NGB: variants seen among roughly 807,000 people sequenced by gnomAD.
NGB encodes the protein nitrite reductase.
A neutral mutation model predicts 17.3 loss-of-function variants in NGB; 12 were observed. That is an observed-to-expected ratio of 0.69 (90% CI 0.45 to 1.13). The LOEUF is 1.13. Ranked by LOEUF, NGB falls within the 50% of genes most tolerant of loss-of-function variation. The pLI is 0.00. For synonymous variants in NGB, 87 were observed against 81.0 expected, an observed-to-expected ratio of 1.07 and a Z score of -0.40; for missense variants, 195 against 191.7, an observed-to-expected ratio of 1.02 and a Z score of -0.10.
chr14:77,270,903 C>G lies in NGB; in HGVS notation c.35G>C (p.Ser12Thr), dbSNP rs768850017. 1.3e-6 allele frequency: 2 copies of G among 1,582,084 alleles called. No homozygotes were observed. The highest frequency in any genetic ancestry group is 2.3e-5 in the South Asian group (2 of 88,508). The change falls in exon 1 of 4, where the codon AGC (serine) becomes ACC (threonine). Residue 12 changes from serine to threonine, a missense_variant. Ser to Thr is a moderately conservative substitution (Grantham distance 58). Transcript: ENST00000298352. The part of the protein sequence containing the change: ...ERPEPELIRQ[S>T]WRAVSRSPLE... ...CGGGCTGCGGCTCACTGCCCGCCAG[C>G]TCTGCCGGATCAGCTCGGGCTCCGG...
At chr14:77,268,391 G>C in intron 3 of NGB, 75 bp downstream of exon 3, 1 of 1,503,624 alleles carries the variant, frequency 6.7e-7, no homozygotes, top group Non-Finnish European at 9.1e-7. Context: ...GAGAACAGGT[G>C]GCAAGGGGAG....
intron 1 of NGB, among the ~76,000 whole-genome samples, chr14:77,270,082 C>A (rs567640577): frequency 4.0e-4 from 61 of 151,978 alleles, no homozygotes; most frequent in African/African-American, 1.3e-3. Flanking sequence ...TGAATGTTTT[C>A]CCCTTTTGTC....
chr14:77,267,267 G>A (rs541067952), intron 3 of NGB, among the ~76,000 whole-genome samples: 6 of 152,356 alleles, frequency 3.9e-5, no homozygotes, highest in African/African-American at 1.2e-4. Flanking sequence ...TAGGCCAGGT[G>A]CAGTAGCTCA....
Position 77,271,041 on chromosome 14 carries a change from T to TCGTACGCCCCC in NGB, c.-115_-105dup. 1 of 810,420 alleles carries TCGTACGCCCCC rather than the reference T, an allele frequency of 1.2e-6. No individual in the cohort carries two copies. Among genetic ancestry groups the TCGTACGCCCCC allele is most frequent in the Non-Finnish European group, 1.8e-6 (1 of 555,646 alleles). The allele number at this position is 810,420 out of a possible 1,614,324, so 50.2% of individuals were successfully genotyped here. ...TCCGCGACGCGGTCCCCTCCGCCCC[T>TCGTACGCCCCC]CGTACGCCCCCCGTGCCTCCGCCCG... On this transcript the variant is annotated 5_prime_UTR_variant, in exon 1 of 4. Coordinates refer to ENST00000298352, the MANE Select transcript of NGB (RefSeq NM_021257.4).
intron 1 of NGB, among the ~76,000 whole-genome samples, chr14:77,270,202 G>A (rs971771935): frequency 6.6e-6 from 1 of 152,092 alleles, no homozygotes; most frequent in African/African-American, 2.4e-5. Context: ...GATAGCGGAA[G>A]GGTTACCAAA....
rs991199092 is a variant in NGB at position 77,270,668 on chromosome 14, G to A, written c.89+181C>T. On this transcript the variant is annotated intron_variant, in intron 1 of 3. Coordinates refer to ENST00000298352, the MANE Select transcript of NGB (RefSeq NM_021257.4). ...TGGCAACAGGCGCCCACGGTCGAGA[G>A]AGAGGCAGAGGGGCTGTGCCACCCG... 5.9e-5 allele frequency among the ~76,000 whole-genome samples: 9 copies of A among 152,208 alleles called. No individual in the cohort carries two copies. The East Asian group carries it at 1.4e-3, about 23-fold the overall frequency.
At chr14:77,267,591 G>A (rs1418951160) in intron 3 of NGB, among the ~76,000 whole-genome samples, 1 of 152,144 alleles carries the variant, frequency 6.6e-6, no homozygotes, top group East Asian at 1.9e-4. Flanking sequence ...GCTCTCATTT[G>A]CCATTATTAC....
chr14:77,270,603 C>T (rs1358511948), intron 1 of NGB, among the ~76,000 whole-genome samples: 2 of 152,202 alleles, frequency 1.3e-5, no homozygotes, highest in Non-Finnish European at 2.9e-5. Context: ...TCCCGCCCGG[C>T]CCGGTGAGCC....
rs372062527 is a variant in NGB at position 77,266,613 on chromosome 14, G to C, written c.379C>G (p.Pro127Ala). The change falls in exon 4 of 4, where the codon CCA (proline) becomes GCA (alanine). Residue 127 changes from proline (P) to alanine (A), a missense_variant. Coordinates refer to ENST00000298352, the MANE Select transcript of NGB (RefSeq NM_021257.4). ...TGGCTCCAGGCAGCCCGTGTGGCTG[G>C]TGTGAAGGCAGGGCCCAGACACTTC... ...LEKCLGPAFT[P>A]ATRAAWSQLY... is the part of the protein sequence containing the mutation. 1 of 1,614,064 alleles carries C rather than the reference G, an allele frequency of 6.2e-7. No homozygotes were observed. The highest frequency in any genetic ancestry group is 1.7e-5 in the Admixed American group (1 of 60,014).
In NGB at chr14:77,269,273, T is replaced by A. The variant is rs143341202; in HGVS notation, c.143A>T (p.Gln48Leu). 2.3e-5 allele frequency: 36 copies of A among 1,551,878 alleles called. No individual in the cohort carries two copies. In the African/African-American group the frequency reaches 4.4e-4, roughly 19 times the overall value. Reference sequence around the variant, plus strand: ...GAGACAGTCCTCTGGGCTGGAGAACTGGCGGCAGTTGTACTGGAAGAGGGG... The same window carrying A: ...GAGACAGTCCTCTGGGCTGGAGAACAGGCGGCAGTTGTACTGGAAGAGGGG... ...LLPLFQYNCRQFSSPEDCLSS... is the reference protein window; with the variant it reads ...LLPLFQYNCRLFSSPEDCLSS... Residue 48 changes from glutamine to leucine, a missense_variant, in exon 2 of 4, where the codon CAG becomes CTG. Transcript: ENST00000298352.
intron 2 of NGB, 61 bp downstream of exon 2, chr14:77,269,154 C>T: frequency 1.0e-5 from 11 of 1,090,002 alleles, no homozygotes; most frequent in Non-Finnish European, 1.5e-5. Context: ...TTTCTCCATT[C>T]TCCACCAGGG....
intron 1 of NGB, among the ~76,000 whole-genome samples, chr14:77,270,255 G>A (rs939407867): frequency 1.3e-5 from 2 of 151,968 alleles, no homozygotes; most frequent in Admixed American, 1.3e-4. Context: ...TTCCCACCCG[G>A]CCTGCACACC....
intron 1 of NGB, among the ~76,000 whole-genome samples, chr14:77,269,722 CTCTCT>C (rs1889734301): frequency 3.7e-4 from 1 of 2,696 alleles, no homozygotes; most frequent in Non-Finnish European, 8.0e-4. Flanking sequence ...CTCTCTCTCT[CTCTCT>C]TCTCTCTCTC....
intron 3 of NGB, among the ~76,000 whole-genome samples, chr14:77,267,291 A>G (rs1889686457): frequency 6.6e-6 from 1 of 152,258 alleles, no homozygotes; most frequent in South Asian, 2.1e-4. Context: ...CTATAATCCC[A>G]GCACTTTAGG....
intron 1 of NGB, among the ~76,000 whole-genome samples, chr14:77,269,668 T>C (rs1246135610): frequency 1.8e-3 from 136 of 74,856 alleles, no homozygotes; most frequent in Middle Eastern, 7.5e-3. Context: ...GGAAAGCCCT[T>C]TCTCTCTCTC....
intron 3 of NGB, 91 bp from the exon 4 acceptor site, chr14:77,266,761 A>G: frequency 2.1e-6 from 3 of 1,460,310 alleles, no homozygotes; most frequent in Non-Finnish European, 1.8e-6. Context: ...AGGACTGATT[A>G]GGGCTCCTGG....
chr14:77,269,202 G>A lies in NGB; in HGVS notation c.201+13C>T, dbSNP rs1335825770. On this transcript the variant is annotated intron_variant, in intron 2 of 3. Coordinates refer to ENST00000298352, the MANE Select transcript of NGB (RefSeq NM_021257.4). Reference sequence around the variant, plus strand: ...GGATCCCAGAGGTCACAGCAGCTCTGCCTCCCTCTCACCTTCCTGATGTGG... The same window carrying A: ...GGATCCCAGAGGTCACAGCAGCTCTACCTCCCTCTCACCTTCCTGATGTGG... 6.7e-7 allele frequency: 1 copy of A among 1,499,822 alleles called. No homozygotes were observed. Among genetic ancestry groups the A allele is most frequent in the Non-Finnish European group, 9.1e-7 (1 of 1,099,758 alleles). The allele number at this position is 1,499,822 out of a possible 1,614,324, so 92.9% of individuals were successfully genotyped here. A position where few individuals can be genotyped will look rare whatever the true frequency, so the allele number is the denominator to read the frequency against.
intron 1 of NGB, 79 bp downstream of exon 1, chr14:77,270,770 G>T: frequency 7.8e-7 from 1 of 1,287,984 alleles, no homozygotes. Flanking sequence ...TCCCTCCTTC[G>T]GGGCCGGTCC....
At chr14:77,270,823 T>C (rs767755645) in intron 1 of NGB, 26 bp downstream of exon 1, 1 of 1,542,620 alleles carries the variant, frequency 6.5e-7, no homozygotes, top group Non-Finnish European at 8.7e-7. Flanking sequence ...TCCACCCGCA[T>C]CCCCGGGCGC....
Sources: gnomAD v4.1 joint callset for allele counts (sites outside exome capture counted in the v4.1 genomes callset) on GRCh38, gnomAD v4.1.1 for gene constraint, MANE v1.5 for transcripts, NCBI Gene and HGNC (gene_info 2026-07-23, HGNC 2026-07-21) for gene names.